The following OCA2 variants were observed in gnomAD, a reference collection of about 807,000 sequenced individuals.
OCA2 encodes OCA2 melanosomal transmembrane protein, also known as P protein.
A neutral mutation model predicts 100.2 loss-of-function variants in OCA2; 77 were observed. That is an observed-to-expected ratio of 0.77 (90% CI 0.64 to 0.93). The LOEUF is 0.93. OCA2 is among the 40% of genes least tolerant of loss of function. The pLI is 0.00. For missense variants in OCA2, 1,062 were observed against 1,089.1 expected (o/e 0.98, Z 0.35); for synonymous variants, 432 against 439.2 (o/e 0.98, Z 0.21).
chr15:28,032,022 G>C, intron 3 of OCA2, 43 bp downstream of exon 3: 1 of 1,468,610 alleles, frequency 6.8e-7, no homozygotes, highest in Non-Finnish European at 9.5e-7. Flanking sequence ...CAGGTGCAAT[G>C]CTCAGAAACT....
At chr15:27,771,036 CCCT>C (rs1290942854) in intron 23 of OCA2, among the ~76,000 whole-genome samples, 2 of 144,302 alleles carry the variant, frequency 1.4e-5, no homozygotes, top group Non-Finnish European at 3.0e-5. Flanking sequence ...TTCCCTCCCT[CCCT>C]CTTTTCCTTC....
chr15:27,911,581 T>C (rs887759226), intron 19 of OCA2, among the ~76,000 whole-genome samples: 31 of 151,722 alleles, frequency 2.0e-4, no homozygotes, highest in Non-Finnish European at 3.7e-4. Flanking sequence ...GGAGCAGAAG[T>C]GAGGGAGAAA....
intron 19 of OCA2, among the ~76,000 whole-genome samples, chr15:27,882,213 G>T (rs75912763): frequency 0.016 from 2,367 of 152,202 alleles, 55 homozygotes; most frequent in African/African-American, 0.05. Context: ...ATTTTTGGTC[G>T]TGTTCCACAG....
the OCA2 span, among the ~76,000 whole-genome samples, chr15:27,735,930 CAAGAA>C: frequency 6.6e-6 from 1 of 152,050 alleles, no homozygotes; most frequent in African/African-American, 2.4e-5. Flanking sequence ...TAATGAGTAA[CAAGAA>C]AACATCTGAA....
intron 19 of OCA2, among the ~76,000 whole-genome samples, chr15:27,904,870 T>C (rs540950589): frequency 1.3e-4 from 20 of 152,186 alleles, no homozygotes; most frequent in African/African-American, 4.3e-4. Flanking sequence ...CTTTTAGAAA[T>C]CGGCAACACG....
At chr15:27,824,602 C>CTCTCTATATATATATATATATATA in intron 23 of OCA2, among the ~76,000 whole-genome samples, 7 of 47,594 alleles carry the variant, frequency 1.5e-4, no homozygotes, top group South Asian at 1.5e-3. Context: ...CTCTCTCTCT[C>CTCTCTATATATATATATATATATA]TATATATATA....
At chr15:27,899,154 C>G (rs1274546234) in intron 19 of OCA2, among the ~76,000 whole-genome samples, 1 of 152,158 alleles carries the variant, frequency 6.6e-6, no homozygotes, top group Non-Finnish European at 1.5e-5. Context: ...GTAATCTAAC[C>G]ATATCAAAAG....
chr15:27,905,923 A>T (rs1022658819), intron 19 of OCA2, among the ~76,000 whole-genome samples: 1 of 152,254 alleles, frequency 6.6e-6, no homozygotes, highest in African/African-American at 2.4e-5. Flanking sequence ...CCACGCCTCA[A>T]GCAAGCATCA....
chr15:27,900,700 A>T (rs2037894754), intron 19 of OCA2, among the ~76,000 whole-genome samples: 1 of 152,186 alleles, frequency 6.6e-6, no homozygotes, highest in Admixed American at 6.5e-5. Flanking sequence ...TGTCCAAGAT[A>T]ACTGCTTTCA....
At chr15:27,878,063 C>T (rs2036863712) in intron 19 of OCA2, among the ~76,000 whole-genome samples, 1 of 151,510 alleles carries the variant, frequency 6.6e-6, no homozygotes, top group Non-Finnish European at 1.5e-5. Flanking sequence ...AATATACATA[C>T]ATAACTTCTC....
chr15:27,745,451 C>A, the OCA2 span, among the ~76,000 whole-genome samples: 1 of 152,206 alleles, frequency 6.6e-6, no homozygotes, highest in African/African-American at 2.4e-5. Context: ...GTTTAGTAAA[C>A]CTTCTCAGTC....
chr15:27,940,325 C>A (rs1388719142), intron 18 of OCA2, among the ~76,000 whole-genome samples: 1 of 152,212 alleles, frequency 6.6e-6, no homozygotes, highest in African/African-American at 2.4e-5. Flanking sequence ...CCCTACTGGA[C>A]CCCCAGAAAG....
At chr15:28,073,015 T>C (rs1465015705) in intron 2 of OCA2, among the ~76,000 whole-genome samples, 1 of 152,214 alleles carries the variant, frequency 6.6e-6, no homozygotes, top group African/African-American at 2.4e-5. Context: ...CACTGCACTA[T>C]TCATAATAAC....
the OCA2 span, among the ~76,000 whole-genome samples, chr15:27,736,128 TAATA>T: frequency 5.8e-4 from 89 of 152,140 alleles, no homozygotes; most frequent in East Asian, 7.3e-3. Context: ...AAAAATAAAA[TAATA>T]AAAATAACTA....
chr15:27,874,190 T>G (rs949788614), intron 19 of OCA2, among the ~76,000 whole-genome samples: 2 of 152,172 alleles, frequency 1.3e-5, no homozygotes, highest in African/African-American at 4.8e-5. Flanking sequence ...CATTCTAGAT[T>G]AGCAAGACAA....
intron 23 of OCA2, among the ~76,000 whole-genome samples, chr15:27,834,157 CCT>C (rs1193361226): frequency 6.6e-6 from 1 of 152,194 alleles, no homozygotes; most frequent in Non-Finnish European, 1.5e-5. Context: ...CCACACCAAT[CCT>C]CAGGGAGAGA....
intron 23 of OCA2, among the ~76,000 whole-genome samples, chr15:27,835,925 A>G (rs751828529): frequency 2.0e-5 from 3 of 152,236 alleles, no homozygotes; most frequent in Non-Finnish European, 4.4e-5. Context: ...ACCCCGAATC[A>G]AAGTGGAGCC....
chr15:28,016,598 G>C (rs961079981), intron 7 of OCA2, among the ~76,000 whole-genome samples: 2 of 152,152 alleles, frequency 1.3e-5, no homozygotes, highest in African/African-American at 2.4e-5. Context: ...GGGCAACAGA[G>C]CAAGACCCCT....
At chr15:27,895,952 C>T (rs1051450597) in intron 19 of OCA2, 11 of 697,912 alleles carry the variant, frequency 1.6e-5, no homozygotes, top group Admixed American at 3.7e-5. Flanking sequence ...ATGTGAACTA[C>T]GAAAATATGG....
Sources: allele counts gnomAD v4.1 joint callset (sites outside exome capture counted in the v4.1 genomes callset), GRCh38; gene constraint gnomAD v4.1.1; transcripts MANE v1.5; gene names NCBI Gene and HGNC (gene_info 2026-07-23, HGNC 2026-07-21).